Variants in ZFAND3 observed in about 807,000 individuals in gnomAD.
ZFAND3 encodes the protein zinc finger AN1-type containing 3, also known as AN1-type zinc finger protein 3.
A neutral mutation model predicts 29.6 loss-of-function variants in ZFAND3; 10 were observed. The observed-to-expected ratio is 0.34, with a 90% CI of 0.21 to 0.57. The LOEUF is 0.57. ZFAND3 is among the 20% of genes least tolerant of loss of function. The pLI, the probability that ZFAND3 is intolerant of heterozygous loss-of-function variation, is 0.86. For synonymous variants in ZFAND3, 128 were observed against 112.6 expected (o/e 1.14, Z -0.87); for missense variants, 230 against 304.5 (o/e 0.76, Z 1.82).
intron 1 of ZFAND3, among the ~76,000 whole-genome samples, chr6:37,852,452 T>G (rs1764297770): frequency 6.6e-6 from 1 of 152,122 alleles, no homozygotes; most frequent in African/African-American, 2.4e-5. Context: ...TTTTTCTGCC[T>G]GGCTCCATAA....
At position 37,980,428 on chromosome 6, in the gene ZFAND3, C is replaced by T. The variant is rs73421448; in HGVS notation, c.112+50429C>T. Among the ~76,000 whole-genome samples, 220 of 152,286 alleles carry T rather than the reference C, an allele frequency of 1.4e-3. 3 individuals carry two copies. The highest frequency in any genetic ancestry group is 4.4e-3 in the African/African-American group (183 of 41,554). ...GGTAAAATCTCTCTTGTATCATTTG[C>T]TGATCTGTTTTCCAATTTGTTTTCC... On this transcript the variant is annotated intron_variant, in intron 2 of 5. Coordinates refer to ENST00000287218, the MANE Select transcript of ZFAND3 (RefSeq NM_021943.3).
At chr6:37,974,228 A>G (rs1762438390) in intron 2 of ZFAND3, among the ~76,000 whole-genome samples, 1 of 151,682 alleles carries the variant, frequency 6.6e-6, no homozygotes, top group East Asian at 1.9e-4. Flanking sequence ...ACACCTGGCT[A>G]ATTTTTGTAT....
At chr6:37,919,109 A>G (rs1293762956) in intron 1 of ZFAND3, among the ~76,000 whole-genome samples, 2 of 151,836 alleles carry the variant, frequency 1.3e-5, no homozygotes, top group Admixed American at 6.6e-5. Context: ...ATGCGCTACC[A>G]CGCCCAGCTA....
chr6:38,136,701 A>T (rs1166405151), intron 5 of ZFAND3, among the ~76,000 whole-genome samples: 2 of 152,180 alleles, frequency 1.3e-5, no homozygotes, highest in Non-Finnish European at 2.9e-5. Flanking sequence ...TGCCTTGAGG[A>T]CTGTAAGGGT....
intron 2 of ZFAND3, among the ~76,000 whole-genome samples, chr6:38,023,813 C>A (rs777668379): frequency 6.6e-6 from 1 of 152,184 alleles, no homozygotes; most frequent in Non-Finnish European, 1.5e-5. Context: ...GTCTCTGATA[C>A]GTCCTATCAC....
chr6:37,831,392 C>T (rs934509857), intron 1 of ZFAND3, among the ~76,000 whole-genome samples: 2 of 152,234 alleles, frequency 1.3e-5, no homozygotes, highest in Admixed American at 1.3e-4. Flanking sequence ...TGGCCATTTT[C>T]CAGAGCCAGT....
At chr6:37,892,396 A>G (rs1765121249) in intron 1 of ZFAND3, among the ~76,000 whole-genome samples, 1 of 152,214 alleles carries the variant, frequency 6.6e-6, no homozygotes, top group South Asian at 2.1e-4. Flanking sequence ...ATTTGAGGCC[A>G]GCCTGGGGAA....
chr6:38,142,767 G>C lies in ZFAND3; in HGVS notation c.530-9468G>C, dbSNP rs904288816. ...TTTTTGGACCCTAAAGACTGCCCCA[G>C]GTACCAAGTGGTTAATGCCATCTGC... On this transcript the variant is annotated intron_variant, in intron 5 of 5. Coordinates refer to ENST00000287218, the MANE Select transcript of ZFAND3 (RefSeq NM_021943.3). Among the ~76,000 whole-genome samples the C allele has an allele frequency of 4.6e-5, 7 of 152,316 alleles. No individual in the cohort carries two copies. In the East Asian group the frequency reaches 1.3e-3, roughly 29 times the overall value.
chr6:37,971,606 A>AT lies in ZFAND3; in HGVS notation c.112+41613dup, dbSNP rs1762388089. ...CAATGCTTGCTTTCCATATTTGCAT[A>AT]TTTTTTCTCTGCCTTAATAGCAGAA... On this transcript the variant is annotated intron_variant, in intron 2 of 5. Coordinates refer to ENST00000287218, the MANE Select transcript of ZFAND3 (RefSeq NM_021943.3). 3.3e-5 allele frequency among the ~76,000 whole-genome samples: 5 copies of AT among 152,018 alleles called. No individual in the cohort carries two copies. The South Asian group carries it at 6.2e-4, about 19-fold the overall frequency.
At chr6:38,125,822 A>G (rs1319089190) in intron 5 of ZFAND3, among the ~76,000 whole-genome samples, 4 of 152,234 alleles carry the variant, frequency 2.6e-5, no homozygotes, top group Non-Finnish European at 4.4e-5. Flanking sequence ...AAGTTTTTAA[A>G]ACAGCTTTTT....
chr6:37,945,472 T>G (rs2127418615), intron 2 of ZFAND3, among the ~76,000 whole-genome samples: 1 of 152,280 alleles, frequency 6.6e-6, no homozygotes, highest in South Asian at 2.1e-4. Flanking sequence ...CTTGGCTCAC[T>G]GCAACCTCTG....
intron 4 of ZFAND3, among the ~76,000 whole-genome samples, chr6:38,115,644 C>G (rs1229475805): frequency 6.6e-6 from 1 of 152,062 alleles, no homozygotes; most frequent in Non-Finnish European, 1.5e-5. Context: ...AGACTCCCTT[C>G]TGGAAGTAAT....
intron 1 of ZFAND3, among the ~76,000 whole-genome samples, chr6:37,919,468 C>A (rs1390783607): frequency 6.6e-6 from 1 of 152,094 alleles, no homozygotes; most frequent in Non-Finnish European, 1.5e-5. Context: ...ATTTACCAAG[C>A]CGTTTTAAAA....
chr6:37,953,441 C>CTTT (rs35182018), intron 2 of ZFAND3, among the ~76,000 whole-genome samples: 19,975 of 105,678 alleles, frequency 0.19, 2,270 homozygotes, highest in Admixed American at 0.27. Context: ...GCATAATTAT[C>CTTT]TTTTTTTTTT....
Position 37,819,983 on chromosome 6 carries a change from G to A in ZFAND3, c.38G>A (p.Ser13Asn). Residue 13 changes from serine to asparagine, a missense_variant, in exon 1 of 6, where the codon AGC becomes AAC. Coordinates refer to ENST00000287218, the MANE Select transcript of ZFAND3 (RefSeq NM_021943.3). ...GGGAGCGAGCGCAGCAAAGCGCCCAGCCTGCCGCCTCGCTGTCCCTGCGGC... is the reference window on the plus strand; with the variant it reads ...GGGAGCGAGCGCAGCAAAGCGCCCAACCTGCCGCCTCGCTGTCCCTGCGGC... ...DAGSERSKAP[S>N]LPPRCPCGFW... 8.2e-7 allele frequency: 1 copy of A among 1,221,870 alleles called. No homozygotes were observed. Among genetic ancestry groups the A allele is most frequent in the Non-Finnish European group, 1.0e-6 (1 of 981,482 alleles). The allele number at this position is 1,221,870 out of a possible 1,614,324, so 75.7% of individuals were successfully genotyped here.
intron 2 of ZFAND3, among the ~76,000 whole-genome samples, chr6:38,002,165 A>G (rs752892903): frequency 2.0e-5 from 3 of 152,164 alleles, no homozygotes; most frequent in Non-Finnish European, 4.4e-5. Context: ...ATAGAAACAT[A>G]AACTAGGCTT....
At chr6:37,871,780 G>T (rs1462967668) in intron 1 of ZFAND3, among the ~76,000 whole-genome samples, 1 of 152,080 alleles carries the variant, frequency 6.6e-6, no homozygotes, top group African/African-American at 2.4e-5. Context: ...TAGTAATTTT[G>T]AAATGCATCC....
At chr6:37,935,239 G>A (rs1398253912) in intron 2 of ZFAND3, among the ~76,000 whole-genome samples, 2 of 152,152 alleles carry the variant, frequency 1.3e-5, no homozygotes, top group Non-Finnish European at 2.9e-5. Flanking sequence ...CCTGGGACAT[G>A]AGTTATCAAT....
chr6:37,892,002 T>G (rs183469415), intron 1 of ZFAND3, among the ~76,000 whole-genome samples: 3 of 152,204 alleles, frequency 2.0e-5, no homozygotes, highest in Non-Finnish European at 2.9e-5. Context: ...GTGCTGAGAT[T>G]ACAGGCGTGA....
Sources: gnomAD v4.1 joint callset for allele counts (sites outside exome capture counted in the v4.1 genomes callset) on GRCh38, gnomAD v4.1.1 for gene constraint, MANE v1.5 for transcripts, NCBI Gene and HGNC (gene_info 2026-07-23, HGNC 2026-07-21) for gene names.